C8orf34: variants seen among roughly 807,000 people sequenced by gnomAD.
C8orf34 encodes chromosome 8 open reading frame 34, also known as uncharacterized protein C8orf34.
In C8orf34, 65 loss-of-function variants were observed where a neutral mutation model predicts 68.3. The ratio of observed to expected loss-of-function variants is 0.95; its 90% CI spans 0.78 to 1.17. The LOEUF is 1.17. Among genes scored for constraint, C8orf34 ranks in the 50% most tolerant of loss-of-function variants. C8orf34 has a pLI of 0.00. For missense variants in C8orf34, 664 were observed against 655.4 expected (o/e 1.01, Z -0.14); for synonymous variants, 244 against 241.2 (o/e 1.01, Z -0.11).
chr8:68,691,905 A>T (rs144929427), intron 8 of C8orf34, among the ~76,000 whole-genome samples: 1 of 152,040 alleles, frequency 6.6e-6, no homozygotes, highest in Non-Finnish European at 1.5e-5. Flanking sequence ...ATTTTAGGTT[A>T]TAAGTTTGTG....
intron 5 of C8orf34, among the ~76,000 whole-genome samples, chr8:68,505,164 T>C (rs982983994): frequency 7.9e-5 from 12 of 152,072 alleles, no homozygotes; most frequent in African/African-American, 2.9e-4. Flanking sequence ...GTATGGAGGG[T>C]TCCAATTTCT....
chr8:68,672,300 C>A (rs538363530), intron 8 of C8orf34, among the ~76,000 whole-genome samples: 2 of 152,140 alleles, frequency 1.3e-5, no homozygotes, highest in African/African-American at 4.8e-5. Context: ...TTCATGAGAA[C>A]TAAAAATCAG....
chr8:68,801,189 A>G (rs1038595230), intron 12 of C8orf34, among the ~76,000 whole-genome samples: 3 of 152,210 alleles, frequency 2.0e-5, no homozygotes, highest in African/African-American at 7.2e-5. Flanking sequence ...AGAAGAGACT[A>G]TGAATTACCA....
chr8:68,766,312 T>C (rs1018992893), intron 10 of C8orf34, among the ~76,000 whole-genome samples: 8 of 152,248 alleles, frequency 5.3e-5, no homozygotes, highest in Admixed American at 1.3e-4. Context: ...CACAGGTTGA[T>C]TTAATTTTAA....
chr8:68,467,806 G>C (rs767155772), intron 3 of C8orf34, among the ~76,000 whole-genome samples: 8 of 151,950 alleles, frequency 5.3e-5, no homozygotes, highest in Non-Finnish European at 8.8e-5. Flanking sequence ...AGAAGGAATT[G>C]CTTCTTGTCT....
intron 1 of C8orf34, among the ~76,000 whole-genome samples, chr8:68,377,008 G>A (rs568548582): frequency 6.6e-6 from 1 of 152,246 alleles, no homozygotes; most frequent in African/African-American, 2.4e-5. Flanking sequence ...ACACTGTTTA[G>A]TTTTGTTTTG....
At chr8:68,644,857 A>C (rs192234899) in intron 8 of C8orf34, among the ~76,000 whole-genome samples, 265 of 152,296 alleles carry the variant, frequency 1.7e-3, no homozygotes, top group Middle Eastern at 3.4e-3. Context: ...CAATTAGAGA[A>C]CTATGCCCAT....
intron 7 of C8orf34, among the ~76,000 whole-genome samples, chr8:68,633,109 A>G (rs1818739350): frequency 6.6e-6 from 1 of 152,206 alleles, no homozygotes; most frequent in Non-Finnish European, 1.5e-5. Flanking sequence ...AGCCCACCCA[A>G]TTGGAGTTGC....
intron 7 of C8orf34, among the ~76,000 whole-genome samples, chr8:68,591,205 A>C (rs1253275248): frequency 6.6e-6 from 1 of 151,934 alleles, no homozygotes; most frequent in East Asian, 1.9e-4. Context: ...AAAGGTCCTA[A>C]CTCTTTTATT....
intron 7 of C8orf34, among the ~76,000 whole-genome samples, chr8:68,581,753 C>T (rs1348578778): frequency 6.6e-6 from 1 of 152,138 alleles, no homozygotes; most frequent in African/African-American, 2.4e-5. Context: ...CCACAGTTCA[C>T]ATTCCTGAAA....
intron 7 of C8orf34, among the ~76,000 whole-genome samples, chr8:68,551,106 TTC>T (rs1194072395): frequency 9.9e-5 from 15 of 152,006 alleles, no homozygotes; most frequent in African/African-American, 3.6e-4. Context: ...TACTTCTCTT[TTC>T]TCTCTTTCCT....
intron 12 of C8orf34, among the ~76,000 whole-genome samples, chr8:68,803,622 C>A (rs369211515): frequency 1.3e-5 from 2 of 151,962 alleles, no homozygotes; most frequent in African/African-American, 4.8e-5. Flanking sequence ...TCAAATGAGA[C>A]CAAAATTTCT....
chr8:68,353,562 T>G (rs1369179320), intron 1 of C8orf34, among the ~76,000 whole-genome samples: 5 of 149,150 alleles, frequency 3.4e-5, no homozygotes, highest in Admixed American at 6.7e-5. Flanking sequence ...CATATGTGTG[T>G]GTGCATATAT....
rs1585828448 is a variant in C8orf34, at chr8:68,751,207, G to T, written c.1405-25192G>T. 2.0e-5 allele frequency among the ~76,000 whole-genome samples: 3 copies of T among 152,276 alleles called. No homozygotes were observed. In the East Asian group the frequency reaches 5.8e-4, roughly 29 times the overall value. On this transcript the variant is annotated intron_variant, in intron 10 of 13. Coordinates refer to ENST00000518698, the MANE Select transcript of C8orf34 (RefSeq NM_052958.4). Reference sequence around the variant, plus strand: ...GGTAAACTGGAACAATGACCATAATGAATCCCATATTGTAACATGACAGTT... The same window carrying T: ...GGTAAACTGGAACAATGACCATAATTAATCCCATATTGTAACATGACAGTT...
chr8:68,490,365 C>A (rs1034846463), intron 5 of C8orf34, among the ~76,000 whole-genome samples: 4 of 152,026 alleles, frequency 2.6e-5, no homozygotes, highest in Admixed American at 2.6e-4. Flanking sequence ...GGTGTCCACA[C>A]CTTTGTTGAT....
chr8:68,695,023 G>A (rs1376337449), intron 8 of C8orf34, among the ~76,000 whole-genome samples: 1 of 151,956 alleles, frequency 6.6e-6, no homozygotes, highest in East Asian at 1.9e-4. Context: ...GCAGGGTTAT[G>A]TTAAACACAA....
chr8:68,672,729 G>A (rs1045485687), intron 8 of C8orf34, among the ~76,000 whole-genome samples: 2 of 152,174 alleles, frequency 1.3e-5, no homozygotes, highest in African/African-American at 2.4e-5. Context: ...TCCTTGTGCT[G>A]TGCTGGGTTC....
intron 8 of C8orf34, among the ~76,000 whole-genome samples, chr8:68,642,534 C>T (rs540936964): frequency 2.6e-4 from 40 of 152,238 alleles, no homozygotes; most frequent in Admixed American, 1.8e-3. Context: ...GGGTCAGAGA[C>T]CAAGGACTTT....
intron 9 of C8orf34, 62 bp downstream of exon 9, chr8:68,709,141 A>G (rs1821260775): frequency 7.6e-7 from 1 of 1,309,316 alleles, no homozygotes; most frequent in Non-Finnish European, 1.1e-6. Flanking sequence ...TTAAAGAAGT[A>G]AAGGAAAAAA....
Sources: allele counts gnomAD v4.1 joint callset (sites outside exome capture counted in the v4.1 genomes callset), GRCh38; gene constraint gnomAD v4.1.1; transcripts MANE v1.5; gene names NCBI Gene and HGNC (gene_info 2026-07-23, HGNC 2026-07-21).